PHTF1: variants seen among roughly 807,000 people sequenced by gnomAD.
PHTF1 encodes protein PHTF1.
Under a neutral mutation model 102.4 loss-of-function variants are expected in PHTF1, and 88 were observed. The observed-to-expected ratio is 0.86, with a 90% confidence interval of 0.72 to 1.03. The LOEUF is 1.03. Ranked by LOEUF, PHTF1 falls within the 50% of genes least tolerant of loss-of-function variation. The pLI is 0.00. For missense variants in PHTF1, 814 were observed against 909.5 expected, an observed-to-expected ratio of 0.89 and a Z score of 1.35; for synonymous variants, 289 against 305.2, an observed-to-expected ratio of 0.95 and a Z score of 0.55.
At position 113,753,283 on chromosome 1, in the gene PHTF1, A is replaced by G. The variant is rs556622415; in HGVS notation, c.102+4416T>C. On this transcript the variant is annotated intron_variant, in intron 3 of 18. Transcript: ENST00000369604. ...AGTCTCATAGAATGAGCTGAGAAGTATATTTCCTTCTCTATTTTCTGAAAA... is the reference window on the plus strand; with the variant it reads ...AGTCTCATAGAATGAGCTGAGAAGTGTATTTCCTTCTCTATTTTCTGAAAA... Among the ~76,000 whole-genome samples, 201 of 152,346 alleles carry G rather than the reference A, an allele frequency of 1.3e-3. 2 individuals carry two copies. Among genetic ancestry groups the G allele is most frequent in the Admixed American group, 4.3e-3 (66 of 15,312 alleles).
intron 17 of PHTF1, chr1:113,699,020 T>C (rs1050688843): frequency 9.2e-5 from 15 of 162,396 alleles, no homozygotes; most frequent in Non-Finnish European, 1.9e-4. Flanking sequence ...TAGCTGTAGG[T>C]CTTGGAGATG....
At chr1:113,739,821 A>C (rs1656076804) in intron 3 of PHTF1, among the ~76,000 whole-genome samples, 1 of 152,186 alleles carries the variant, frequency 6.6e-6, no homozygotes, top group Admixed American at 6.5e-5. Flanking sequence ...TATGTGTGAG[A>C]ACAGAAAGTA....
rs1351834728 is a variant in PHTF1 at position 113,710,472 on chromosome 1, A to G, written c.1051T>C (p.Ser351Pro). The change falls in exon 11 of 19, where the codon TCT becomes CCT. Residue 351 changes from serine to proline, a missense_variant. Physicochemically the swap from Ser to Pro is moderately conservative, Grantham distance 74. Transcript: ENST00000369604. ...EFESAAFSQG[S>P]RSGVSGGSRS... is the part of the protein sequence containing the mutation. Reference sequence around the variant, plus strand: ...GAGCCACCACTCACACCCGATCTAGAGCCCTTTAAAGGAAAACAAAAAGCA... The same window carrying G: ...GAGCCACCACTCACACCCGATCTAGGGCCCTTTAAAGGAAAACAAAAAGCA... 6.2e-7 allele frequency: 1 copy of G among 1,612,554 alleles called. No homozygotes were observed. The highest frequency in any genetic ancestry group is 8.5e-7 in the Non-Finnish European group (1 of 1,178,702).
intron 13 of PHTF1, 132 bp from the exon 14 acceptor site, chr1:113,704,929 G>A: frequency 4.5e-6 from 3 of 669,066 alleles, no homozygotes; most frequent in Non-Finnish European, 5.0e-6. Context: ...CAGTAAGATG[G>A]GCAGTGAAAA....
chr1:113,750,106 C>G lies in PHTF1; in HGVS notation c.102+7593G>C, dbSNP rs78298744. ...AACTCCTGGGCTCAGGCGATCCCCC[C>G]CAACCAGCTTCCCCAGTATCTGGGA... On this transcript the variant is annotated intron_variant, in intron 3 of 18. Coordinates refer to ENST00000369604, the MANE Select transcript of PHTF1 (RefSeq NM_001323043.2). Among the ~76,000 whole-genome samples the G allele has an allele frequency of 7.0e-3, 1,068 of 152,158 alleles. 10 individuals are homozygous for G. Among genetic ancestry groups the G allele is most frequent in the African/African-American group, 0.02 (833 of 41,508 alleles).
intron 10 of PHTF1, among the ~76,000 whole-genome samples, chr1:113,710,720 T>G (rs1650947169): frequency 6.6e-6 from 1 of 150,530 alleles, no homozygotes; most frequent in African/African-American, 2.4e-5. Flanking sequence ...AACCTCAAAC[T>G]CGGGCTCAAA....
At chr1:113,747,180 T>TCA (rs1236377897) in intron 3 of PHTF1, among the ~76,000 whole-genome samples, 2 of 152,252 alleles carry the variant, frequency 1.3e-5, no homozygotes, top group Non-Finnish European at 2.9e-5. Flanking sequence ...TAGAGTTTTA[T>TCA]CACAAATTTT....
intron 16 of PHTF1, 89 bp downstream of exon 16, chr1:113,700,705 G>C (rs916134062): frequency 8.2e-7 from 1 of 1,221,322 alleles, no homozygotes; most frequent in Non-Finnish European, 1.2e-6. Context: ...CAGCTAGACA[G>C]TGATTAAACC....
chr1:113,741,758 G>A (rs578071019), intron 3 of PHTF1, among the ~76,000 whole-genome samples: 10 of 151,862 alleles, frequency 6.6e-5, no homozygotes, highest in Non-Finnish European at 1.3e-4. Flanking sequence ...GTCAAAACAC[G>A]GCTCTATCTT....
At chr1:113,758,576 G>A in intron 2 of PHTF1, 83 bp downstream of exon 2, 1 of 755,816 alleles carries the variant, frequency 1.3e-6, no homozygotes, top group Non-Finnish European at 2.1e-6. Flanking sequence ...ACTAAACTCG[G>A]GGGAAAGTAA....
intron 3 of PHTF1, among the ~76,000 whole-genome samples, chr1:113,749,022 ATTAT>A (rs1299781387): frequency 6.6e-6 from 1 of 152,202 alleles, no homozygotes; most frequent in Non-Finnish European, 1.5e-5. Context: ...TCACATGGTT[ATTAT>A]TTGTGTGGTG....
intron 6 of PHTF1, 26 bp from the exon 7 acceptor site, chr1:113,724,919 C>A: frequency 1.3e-6 from 2 of 1,551,224 alleles, no homozygotes; most frequent in Admixed American, 1.9e-5. Flanking sequence ...TCAATAACTT[C>A]AGATTATTCA....
At chr1:113,706,475 G>GAT in intron 12 of PHTF1, 119 bp downstream of exon 12, 1 of 596,778 alleles carries the variant, frequency 1.7e-6, no homozygotes, top group Non-Finnish European at 2.7e-6. Flanking sequence ...TATATAATAT[G>GAT]ATATATATGT....
intron 4 of PHTF1, among the ~76,000 whole-genome samples, chr1:113,738,480 T>C (rs181194361): frequency 2.6e-5 from 4 of 152,332 alleles, no homozygotes; most frequent in Non-Finnish European, 1.5e-5. Context: ...CTTACTTGAA[T>C]GTTAAACAAC....
chr1:113,699,470 C>A, intron 17 of PHTF1: 1 of 638,452 alleles, frequency 1.6e-6, no homozygotes, highest in Non-Finnish European at 2.9e-6. Context: ...GACCAGATGG[C>A]CCAACTTGGT....
rs776502092 is a variant in PHTF1, at chr1:113,758,639, A to T, written c.45+20T>A. Reference sequence around the variant, plus strand: ...CAGGAAGAATGCTTTACAAATAAAAAAAATATATATATGTATTACCTTCTT... The same window carrying T: ...CAGGAAGAATGCTTTACAAATAAAATAAATATATATATGTATTACCTTCTT... On this transcript the variant is annotated intron_variant, in intron 2 of 18. Coordinates refer to ENST00000369604, the MANE Select transcript of PHTF1 (RefSeq NM_001323043.2). The T allele has an allele frequency of 9.8e-6, 14 of 1,433,998 alleles. No individual in the cohort carries two copies. In the East Asian group the frequency reaches 1.5e-4, roughly 15 times the overall value. The allele number at this position is 1,433,998 out of a possible 1,614,324, so 88.8% of individuals were successfully genotyped here. A position where few individuals can be genotyped will look rare whatever the true frequency, so the allele number is the denominator to read the frequency against.
intron 3 of PHTF1, among the ~76,000 whole-genome samples, chr1:113,748,066 C>T (rs1657491152): frequency 6.6e-6 from 1 of 152,148 alleles, no homozygotes; most frequent in Non-Finnish European, 1.5e-5. Context: ...CACCTTTGAA[C>T]TCCCAGGCTC....
At chr1:113,716,621 AT>A (rs1195386482) in intron 7 of PHTF1, among the ~76,000 whole-genome samples, 3 of 152,142 alleles carry the variant, frequency 2.0e-5, no homozygotes, top group Non-Finnish European at 2.9e-5. Flanking sequence ...AAGTGCTGGG[AT>A]TATAGGCCTG....
At chr1:113,706,859 T>G in intron 11 of PHTF1, 137 bp from the exon 12 acceptor site, 1 of 569,672 alleles carries the variant, frequency 1.8e-6, no homozygotes, top group Non-Finnish European at 2.9e-6. Context: ...TTCTTTTTTT[T>G]TTTTTTTTTT....
Sources: gnomAD v4.1 joint callset for allele counts (sites outside exome capture counted in the v4.1 genomes callset) on GRCh38, gnomAD v4.1.1 for gene constraint, MANE v1.5 for transcripts, NCBI Gene and HGNC (gene_info 2026-07-23, HGNC 2026-07-21) for gene names.